Variants in HYAL4 observed in about 807,000 individuals in gnomAD.
The protein encoded by HYAL4 is hyaluronidase 4.
In HYAL4, 37 loss-of-function variants were observed where a neutral mutation model predicts 35.2. The ratio of observed to expected loss-of-function variants is 1.05; its 90% CI spans 0.81 to 1.38. The LOEUF (loss-of-function observed/expected upper bound fraction) is 1.38. HYAL4 is among the 40% of genes most tolerant of loss of function. The probability of loss-of-function intolerance (pLI) is 0.00; values close to 1 mark genes in which losing one functional copy is unlikely to be tolerated. For synonymous variants in HYAL4, 198 were observed against 203.2 expected (o/e 0.97, Z 0.22); for missense variants, 572 against 572.4 (o/e 1.00, Z 0.01).
the HYAL4 span, among the ~76,000 whole-genome samples, chr7:123,807,432 G>GTTTTTTTTTTTTTTTTT: frequency 8.3e-6 from 1 of 120,772 alleles, no homozygotes; most frequent in Non-Finnish European, 1.7e-5. Flanking sequence ...ACTTTTTATG[G>GTTTTTTTTTTTTTTTTT]TTTTTTTTTT....
the HYAL4 span, among the ~76,000 whole-genome samples, chr7:123,782,034 A>G: frequency 1.7e-3 from 261 of 151,872 alleles, 1 homozygote; most frequent in African/African-American, 6.1e-3. Context: ...CAGCCTCCTG[A>G]GTAGTTAAGA....
At chr7:123,793,324 A>T in the HYAL4 span, among the ~76,000 whole-genome samples, 1 of 152,196 alleles carries the variant, frequency 6.6e-6, no homozygotes, top group Admixed American at 6.5e-5. Flanking sequence ...TTGTCTCTAA[A>T]TATTTTACCC....
At chr7:123,819,902 T>C in the HYAL4 span, among the ~76,000 whole-genome samples, 1 of 151,008 alleles carries the variant, frequency 6.6e-6, no homozygotes, top group East Asian at 1.9e-4. Flanking sequence ...TTTCTTTTTT[T>C]TTTTTTTGTG....
chr7:123,873,238 C>G (rs899981669), intron 3 of HYAL4, among the ~76,000 whole-genome samples: 2 of 152,148 alleles, frequency 1.3e-5, no homozygotes, highest in African/African-American at 2.4e-5. Context: ...TTTATACTAT[C>G]TCATTTGAGC....
the HYAL4 span, among the ~76,000 whole-genome samples, chr7:123,795,180 G>A: frequency 2.0e-5 from 3 of 152,312 alleles, no homozygotes; most frequent in Admixed American, 2.0e-4. Flanking sequence ...TGGAATGGGT[G>A]TATTTACCCA....
the HYAL4 span, among the ~76,000 whole-genome samples, chr7:123,818,249 G>A: frequency 1.3e-5 from 2 of 152,146 alleles, no homozygotes; most frequent in African/African-American, 2.4e-5. Context: ...AAATTCATAT[G>A]TTTTTACTTT....
In HYAL4 at chr7:123,856,141, G is replaced by C. The variant is rs537655712; in HGVS notation, c.-52+7983G>C. ...TTCTTAGGTTCCTTGCATTAGATTA[G>C]AACATGCTCTTTTAGCTCAGAGGAG... On this transcript the variant is annotated intron_variant, in intron 2 of 4. Transcript: ENST00000223026. 9.9e-5 allele frequency among the ~76,000 whole-genome samples: 15 copies of C among 152,014 alleles called. 1 individual carries two copies. The South Asian group carries it at 3.1e-3, about 32-fold the overall frequency.
At chr7:123,781,213 G>A in the HYAL4 span, among the ~76,000 whole-genome samples, 1 of 56,214 alleles carries the variant, frequency 1.8e-5, no homozygotes, top group East Asian at 3.9e-4. Flanking sequence ...GGGAAAAACC[G>A]CCTTAGGGCT....
upstream of HYAL4, among the ~76,000 whole-genome samples, chr7:123,842,630 C>G (rs1806092879): frequency 6.6e-6 from 1 of 151,940 alleles, no homozygotes; most frequent in Non-Finnish European, 1.5e-5. Context: ...GTGTGGGAGT[C>G]TAAGTCTCTT....
intron 2 of HYAL4, among the ~76,000 whole-genome samples, chr7:123,850,672 A>G (rs1806284516): frequency 6.6e-6 from 1 of 152,160 alleles, no homozygotes; most frequent in Admixed American, 6.5e-5. Flanking sequence ...AAATGCATGA[A>G]TCCTGTGCTC....
chr7:123,799,460 T>C, the HYAL4 span, among the ~76,000 whole-genome samples: 9 of 150,192 alleles, frequency 6.0e-5, no homozygotes, highest in African/African-American at 1.7e-4. Flanking sequence ...AATTATAAAT[T>C]ATAAATTTAT....
At chr7:123,801,664 T>C in the HYAL4 span, among the ~76,000 whole-genome samples, 3 of 152,258 alleles carry the variant, frequency 2.0e-5, no homozygotes, top group Admixed American at 2.0e-4. Flanking sequence ...TGTTTGATTT[T>C]ATAATCTTTT....
intron 2 of HYAL4, among the ~76,000 whole-genome samples, chr7:123,864,822 TA>T (rs1207000440): frequency 1.3e-5 from 2 of 151,582 alleles, no homozygotes; most frequent in Admixed American, 6.6e-5. Flanking sequence ...AAGCCATATT[TA>T]ACTAGGAGGG....
chr7:123,837,284 G>T (rs995463359), intron 1 of HYAL4, among the ~76,000 whole-genome samples: 1 of 152,138 alleles, frequency 6.6e-6, no homozygotes, highest in African/African-American at 2.4e-5. Context: ...CTGTTAATCT[G>T]TAGGTTTTCC....
At chr7:123,860,500 TA>T (rs905536965) in intron 2 of HYAL4, among the ~76,000 whole-genome samples, 1 of 152,216 alleles carries the variant, frequency 6.6e-6, no homozygotes, top group African/African-American at 2.4e-5. Context: ...GACACACATG[TA>T]AAACAAATAC....
At chr7:123,851,862 G>A (rs1350183017) in intron 2 of HYAL4, among the ~76,000 whole-genome samples, 3 of 152,196 alleles carry the variant, frequency 2.0e-5, no homozygotes, top group Non-Finnish European at 4.4e-5. Context: ...CACCAACAGT[G>A]TAAAAGCGTT....
At chr7:123,800,429 A>C in the HYAL4 span, among the ~76,000 whole-genome samples, 1 of 149,998 alleles carries the variant, frequency 6.7e-6, no homozygotes, top group African/African-American at 2.4e-5. Context: ...TCGGCCTCCC[A>C]AAATGCTGGG....
upstream of HYAL4, among the ~76,000 whole-genome samples, chr7:123,840,879 G>A (rs1806046311): frequency 6.6e-6 from 1 of 152,034 alleles, no homozygotes. Context: ...AGCTTAAGGA[G>A]ATTTTGGGCT....
chr7:123,838,889 T>G (rs1023869277), intron 1 of HYAL4, among the ~76,000 whole-genome samples: 7 of 152,046 alleles, frequency 4.6e-5, no homozygotes, highest in African/African-American at 1.7e-4. Context: ...AGCTGTGAAG[T>G]TATTTCTTCT....
Sources: gnomAD v4.1 joint callset for allele counts (sites outside exome capture counted in the v4.1 genomes callset) on GRCh38, gnomAD v4.1.1 for gene constraint, MANE v1.5 for transcripts, NCBI Gene and HGNC (gene_info 2026-07-23, HGNC 2026-07-21) for gene names.